The following MAST4 variants were observed in gnomAD, a reference collection of about 807,000 sequenced individuals.
MAST4 encodes the protein microtubule-associated serine/threonine-protein kinase 4.
MAST4 carries 89 observed loss-of-function variants against 162.7 expected under a neutral mutation model. The observed-to-expected ratio is 0.55, with a 90% CI of 0.46 to 0.65. The LOEUF (loss-of-function observed/expected upper bound fraction) is 0.65, where lower values mean the gene tolerates loss of function less well. MAST4 is among the 30% of genes least tolerant of loss of function. The pLI is 0.00. For synonymous variants in MAST4, 1,479 were observed against 1,361.1 expected, an observed-to-expected ratio of 1.09 and a Z score of -1.91; for missense variants, 3,153 against 3,374.0, an observed-to-expected ratio of 0.93 and a Z score of 1.62.
chr5:67,104,771 A>G (rs767183295), intron 10 of MAST4, among the ~76,000 whole-genome samples, 196 bp downstream of exon 10: 6 of 152,170 alleles, frequency 3.9e-5, no homozygotes, highest in Non-Finnish European at 8.8e-5. Context: ...GTAATAGAAA[A>G]TTAATGTAAT....
At chr5:66,986,605 T>G (rs1424182523) in intron 4 of MAST4, 2 of 232,804 alleles carry the variant, frequency 8.6e-6, no homozygotes, top group African/African-American at 5.1e-5. Flanking sequence ...TGAATTTATA[T>G]ATATATATAT....
chr5:66,681,392 C>T (rs1288994086), intron 1 of MAST4, among the ~76,000 whole-genome samples: 1 of 152,202 alleles, frequency 6.6e-6, no homozygotes, highest in Non-Finnish European at 1.5e-5. Context: ...AGAGTTTGGG[C>T]CAGTGTCGTC....
intron 2 of MAST4, among the ~76,000 whole-genome samples, chr5:66,773,810 A>G (rs1210954758): frequency 2.0e-5 from 3 of 152,172 alleles, no homozygotes; most frequent in Admixed American, 2.0e-4. Flanking sequence ...TGAGAAATAA[A>G]TTTCTGTTCT....
chr5:66,672,346 T>C (rs1182971636), intron 1 of MAST4, among the ~76,000 whole-genome samples: 4 of 152,208 alleles, frequency 2.6e-5, no homozygotes, highest in Non-Finnish European at 2.9e-5. Flanking sequence ...CTCCCTTTCC[T>C]TTTATCCCAT....
intron 10 of MAST4, among the ~76,000 whole-genome samples, 182 bp from the exon 11 acceptor site, chr5:67,109,916 T>C (rs750987409): frequency 5.9e-5 from 9 of 152,270 alleles, no homozygotes; most frequent in Non-Finnish European, 1.2e-4. Flanking sequence ...TTTGTAGATA[T>C]AGGCGTTTAA....
chr5:67,127,084 A>C (rs1768337588), intron 14 of MAST4, among the ~76,000 whole-genome samples: 1 of 152,076 alleles, frequency 6.6e-6, no homozygotes, highest in South Asian at 2.1e-4. Context: ...CATTGGTTTT[A>C]TGTCCTGAGA....
At chr5:66,994,870 A>G (rs540296225) in intron 4 of MAST4, among the ~76,000 whole-genome samples, 2 of 152,352 alleles carry the variant, frequency 1.3e-5, no homozygotes, top group Admixed American at 6.5e-5. Context: ...TTGCTTCTCA[A>G]GAGTTCATGT....
intron 1 of MAST4, among the ~76,000 whole-genome samples, chr5:66,600,207 C>T (rs138616726): frequency 8.5e-5 from 13 of 152,268 alleles, no homozygotes; most frequent in African/African-American, 2.4e-4. Context: ...GTTTTTATGT[C>T]AAACACATGA....
At chr5:66,671,053 A>G (rs765986952) in intron 1 of MAST4, among the ~76,000 whole-genome samples, 37 of 152,108 alleles carry the variant, frequency 2.4e-4, no homozygotes, top group Non-Finnish European at 3.8e-4. Flanking sequence ...GGTTGCTGTG[A>G]TTGTGTGTGT....
At chr5:66,673,530 G>T (rs59345670) in intron 1 of MAST4, among the ~76,000 whole-genome samples, 19,450 of 104,338 alleles carry the variant, frequency 0.19, 1,809 homozygotes, top group South Asian at 0.29. Context: ...TTTGTTTTTT[G>T]TTTTTTTTTT....
chr5:66,735,314 A>C (rs2149562176), intron 1 of MAST4, among the ~76,000 whole-genome samples: 1 of 150,556 alleles, frequency 6.6e-6, no homozygotes, highest in Non-Finnish European at 1.5e-5. Context: ...AGATCTCACA[A>C]ATTTAGGTTT....
intron 3 of MAST4, among the ~76,000 whole-genome samples, chr5:66,896,325 G>A (rs1272679200): frequency 6.6e-6 from 1 of 152,188 alleles, no homozygotes; most frequent in Non-Finnish European, 1.5e-5. Context: ...TCAGAGGATA[G>A]CAGCATGACG....
In MAST4 at chr5:66,723,273, C is replaced by T. The variant is rs906097788; in HGVS notation, c.364-36436C>T. ...GACCATTTCTCAGTCCTAAAGGGTT[C>T]TTCTTTCTATTAGTAATTGAAATGA... On this transcript the variant is annotated intron_variant, in intron 1 of 28. Transcript: ENST00000403625. Among the ~76,000 whole-genome samples the T allele has an allele frequency of 8.5e-5, 13 of 152,226 alleles. No homozygotes were observed. The East Asian group carries it at 2.3e-3, about 27-fold the overall frequency.
At chr5:66,999,691 G>GT (rs1489480384) in intron 4 of MAST4, among the ~76,000 whole-genome samples, 2 of 151,416 alleles carry the variant, frequency 1.3e-5, no homozygotes. Context: ...TTTGTTTTGG[G>GT]TTTTTTTTTT....
chr5:66,678,792 C>T (rs1297837021), intron 1 of MAST4, among the ~76,000 whole-genome samples: 2 of 94,554 alleles, frequency 2.1e-5, no homozygotes, highest in Non-Finnish European at 4.0e-5. Context: ...ATGCCCGGCC[C>T]CCAATTTTTT....
At chr5:66,939,856 G>A (rs1315910439) in intron 4 of MAST4, among the ~76,000 whole-genome samples, 2 of 151,880 alleles carry the variant, frequency 1.3e-5, no homozygotes, top group African/African-American at 4.8e-5. Context: ...AAAGCTATGT[G>A]TAAACTATAC....
intron 4 of MAST4, among the ~76,000 whole-genome samples, chr5:66,951,918 T>TC (rs1407962415): frequency 6.6e-6 from 1 of 152,138 alleles, no homozygotes; most frequent in Non-Finnish European, 1.5e-5. Context: ...CGGTGTGCTA[T>TC]CTAGGTCTCC....
At chr5:66,898,444 T>C (rs750090073) in intron 3 of MAST4, among the ~76,000 whole-genome samples, 2 of 152,148 alleles carry the variant, frequency 1.3e-5, no homozygotes, top group Non-Finnish European at 2.9e-5. Context: ...GGTTTTCTAT[T>C]TATGTTTCGG....
intron 4 of MAST4, among the ~76,000 whole-genome samples, chr5:66,980,789 G>A (rs369717905): frequency 1.4e-4 from 21 of 152,170 alleles, no homozygotes; most frequent in African/African-American, 5.1e-4. Context: ...ACCTAATTTC[G>A]ATCATTTCCA....
Sources: allele counts gnomAD v4.1 joint callset (sites outside exome capture counted in the v4.1 genomes callset), GRCh38; gene constraint gnomAD v4.1.1; transcripts MANE v1.5; gene names NCBI Gene and HGNC (gene_info 2026-07-23, HGNC 2026-07-21).